Variants in DLG2 observed in about 807,000 individuals in gnomAD.
DLG2 encodes the protein discs large MAGUK scaffold protein 2, also known as disks large homolog 2.
DLG2 carries 45 observed loss-of-function variants against 132.5 expected under a neutral mutation model. The ratio of observed to expected loss-of-function variants is 0.34; its 90% confidence interval spans 0.27 to 0.44. The LOEUF is 0.44. Ranked by LOEUF, DLG2 falls within the 20% of genes least tolerant of loss-of-function variation. The pLI is 1.00. For missense variants in DLG2, 1,045 were observed against 1,196.9 expected (o/e 0.87, Z 1.87); for synonymous variants, 424 against 419.6 (o/e 1.01, Z -0.13).
At chr11:83,492,952 C>G (rs1277966163) in intron 21 of DLG2, among the ~76,000 whole-genome samples, 1 of 152,030 alleles carries the variant, frequency 6.6e-6, no homozygotes, top group Non-Finnish European at 1.5e-5. Context: ...TCATTCTGCT[C>G]GAGATCCTCC....
At chr11:84,301,957 G>A (rs540703083) in intron 7 of DLG2, among the ~76,000 whole-genome samples, 16 of 152,124 alleles carry the variant, frequency 1.1e-4, no homozygotes, top group South Asian at 6.2e-4. Flanking sequence ...CCAAATGCCC[G>A]TCAATAATAG....
At chr11:85,125,017 A>T (rs1312212613) in intron 5 of DLG2, among the ~76,000 whole-genome samples, 3 of 152,052 alleles carry the variant, frequency 2.0e-5, no homozygotes, top group Admixed American at 6.5e-5. Context: ...TTTTTAGTAG[A>T]TACGGGGTTT....
chr11:85,194,586 T>C (rs2080886279), intron 4 of DLG2, among the ~76,000 whole-genome samples: 1 of 151,770 alleles, frequency 6.6e-6, no homozygotes, highest in Admixed American at 6.6e-5. Context: ...GGAAAACATT[T>C]TCCGCACTCC....
intron 19 of DLG2, among the ~76,000 whole-genome samples, chr11:83,626,937 C>A (rs1020846173): frequency 1.3e-5 from 2 of 152,066 alleles, no homozygotes; most frequent in African/African-American, 4.8e-5. Flanking sequence ...GAGCAAAAAT[C>A]TAAAAGTCAT....
chr11:84,486,427 C>T (rs1269581637), intron 7 of DLG2, among the ~76,000 whole-genome samples: 3 of 152,046 alleles, frequency 2.0e-5, no homozygotes, highest in Admixed American at 6.6e-5. Context: ...AGCTGACCAC[C>T]TAGGCCAAAT....
chr11:83,892,011 AC>A (rs1000272661), intron 15 of DLG2, among the ~76,000 whole-genome samples: 3 of 152,098 alleles, frequency 2.0e-5, no homozygotes, highest in Non-Finnish European at 4.4e-5. Flanking sequence ...TAGAGTTATC[AC>A]CCTCATTGTA....
chr11:84,148,389 CTGA>C (rs1229365049), intron 9 of DLG2, among the ~76,000 whole-genome samples: 1 of 152,038 alleles, frequency 6.6e-6, no homozygotes, highest in Non-Finnish European at 1.5e-5. Context: ...CCTCTCCCCT[CTGA>C]TGTTCCCCAG....
intron 3 of DLG2, among the ~76,000 whole-genome samples, chr11:85,444,934 T>A (rs1160291100): frequency 6.6e-6 from 1 of 152,184 alleles, no homozygotes; most frequent in Non-Finnish European, 1.5e-5. Flanking sequence ...GATTTATAAC[T>A]TTGTTTACAA....
chr11:85,547,268 G>A (rs1199773067), intron 3 of DLG2, among the ~76,000 whole-genome samples: 1 of 152,138 alleles, frequency 6.6e-6, no homozygotes, highest in Non-Finnish European at 1.5e-5. Context: ...AGTTTGGCTG[G>A]ATATGAAATT....
rs575741501 is a variant in DLG2 at position 83,901,734 on chromosome 11, C to A, written c.1497-27246G>T. 1.1e-3 allele frequency among the ~76,000 whole-genome samples: 169 copies of A among 152,236 alleles called. 2 individuals are homozygous for A. The highest frequency in any genetic ancestry group is 3.8e-3 in the African/African-American group (159 of 41,532). On this transcript the variant is annotated intron_variant, in intron 15 of 27. Coordinates refer to ENST00000376104, the MANE Select transcript of DLG2 (RefSeq NM_001142699.3). ...CCATCTGACGGTACTAATACAGTTT[C>A]CATCTGCTGTTGTCATAGTGTAGCA...
intron 6 of DLG2, among the ~76,000 whole-genome samples, chr11:85,072,610 T>C (rs938560611): frequency 1.3e-5 from 2 of 151,858 alleles, no homozygotes; most frequent in Non-Finnish European, 2.9e-5. Flanking sequence ...ATAAAACAGA[T>C]TACTTTCATC....
intron 7 of DLG2, among the ~76,000 whole-genome samples, chr11:84,371,452 T>G (rs536571729): frequency 1.3e-5 from 2 of 152,056 alleles, no homozygotes; most frequent in South Asian, 2.1e-4. Flanking sequence ...TTTGCCCTTT[T>G]GCCCAGGCTG....
intron 3 of DLG2, among the ~76,000 whole-genome samples, chr11:85,367,292 A>T (rs1262321540): frequency 6.6e-6 from 1 of 152,192 alleles, no homozygotes; most frequent in Non-Finnish European, 1.5e-5. Flanking sequence ...GCCTGGATCC[A>T]AATCATAATT....
chr11:83,697,538 G>A (rs929772137), intron 18 of DLG2, among the ~76,000 whole-genome samples: 11 of 152,084 alleles, frequency 7.2e-5, no homozygotes, highest in African/African-American at 2.4e-4. Flanking sequence ...TCAGTTTTTT[G>A]AACTCTCCTT....
chr11:83,954,102 G>C (rs1306805853), intron 14 of DLG2, among the ~76,000 whole-genome samples: 1 of 152,166 alleles, frequency 6.6e-6, no homozygotes, highest in African/African-American at 2.4e-5. Context: ...TAACTCATGA[G>C]CACATAGGAA....
At chr11:83,805,477 T>A (rs989887892) in intron 17 of DLG2, among the ~76,000 whole-genome samples, 1 of 151,998 alleles carries the variant, frequency 6.6e-6, no homozygotes, top group African/African-American at 2.4e-5. Context: ...TGATATATCA[T>A]ATATTTGGTT....
At chr11:83,583,347 C>T (rs369053858) in intron 19 of DLG2, among the ~76,000 whole-genome samples, 65 of 152,252 alleles carry the variant, frequency 4.3e-4, no homozygotes, top group East Asian at 1.7e-3. Context: ...AACATATTAC[C>T]GAAAGCCTGC....
intron 6 of DLG2, among the ~76,000 whole-genome samples, chr11:84,950,315 G>A (rs2050755989): frequency 6.6e-6 from 1 of 152,146 alleles, no homozygotes; most frequent in Non-Finnish European, 1.5e-5. Flanking sequence ...GTCTGTGGGT[G>A]TTATCTAATT....
intron 6 of DLG2, among the ~76,000 whole-genome samples, chr11:84,947,620 T>A (rs1259253405): frequency 6.6e-6 from 1 of 152,202 alleles, no homozygotes; most frequent in African/African-American, 2.4e-5. Flanking sequence ...CAAATCCAAG[T>A]GATGGTGGCT....
Sources: allele counts gnomAD v4.1 joint callset (sites outside exome capture counted in the v4.1 genomes callset), GRCh38; gene constraint gnomAD v4.1.1; transcripts MANE v1.5; gene names NCBI Gene and HGNC (gene_info 2026-07-23, HGNC 2026-07-21).